LRRC4C: variants seen among roughly 807,000 people sequenced by gnomAD.
LRRC4C encodes the protein leucine-rich repeat-containing protein 4C.
LRRC4C carries 5 observed loss-of-function variants against 33.6 expected under a neutral mutation model. The ratio of observed to expected loss-of-function variants is 0.15; its 90% CI spans 0.08 to 0.31. The LOEUF is 0.31. LRRC4C is among the 10% of genes least tolerant of loss of function. The pLI, the probability that LRRC4C is intolerant of heterozygous loss-of-function variation, is 1.00. For synonymous variants in LRRC4C, 329 were observed against 302.0 expected (o/e 1.09, Z -0.93); for missense variants, 560 against 796.7 (o/e 0.70, Z 3.58).
chr11:41,085,300 C>G lies in LRRC4C; in HGVS notation c.-495-151577G>C, dbSNP rs377079856. Among the ~76,000 whole-genome samples the G allele has an allele frequency of 3.9e-5, 6 of 152,190 alleles. No homozygotes were observed. In the South Asian group the frequency reaches 1.2e-3, roughly 32 times the overall value. On this transcript the variant is annotated intron_variant, in intron 1 of 6. Transcript: ENST00000528697. ...CCACGTCATCTTTACCCTGGGCTCT[C>G]AAGCTAGGCTGCCCAACTGAATTGT...
chr11:40,334,651 CATAA>C (rs1210360594), intron 3 of LRRC4C, among the ~76,000 whole-genome samples: 4 of 152,124 alleles, frequency 2.6e-5, no homozygotes, highest in Non-Finnish European at 5.9e-5. Flanking sequence ...ATCTATAATA[CATAA>C]ATATATACAT....
chr11:40,809,296 G>A (rs567847816), intron 2 of LRRC4C, among the ~76,000 whole-genome samples: 71 of 152,220 alleles, frequency 4.7e-4, no homozygotes, highest in African/African-American at 1.6e-3. Flanking sequence ...CATCTGACAC[G>A]TTCTCTGTCT....
rs148456625 is a variant in LRRC4C at position 41,446,932 on chromosome 11, G to T, written c.-496+12499C>A. 2.2e-3 allele frequency among the ~76,000 whole-genome samples: 331 copies of T among 152,222 alleles called. 2 individuals are homozygous for T. Among genetic ancestry groups the T allele is most frequent in the East Asian group, 0.015 (78 of 5,166 alleles). On this transcript the variant is annotated intron_variant, in intron 1 of 6. Coordinates refer to ENST00000528697, the MANE Select transcript of LRRC4C (RefSeq NM_001258419.2). ...AGTCCTTACAGAGTAAAGAGCAAAG[G>T]AGTTCTGAAATCACAAAACTAAAGC...
At chr11:41,150,300 G>A (rs1367906276) in intron 1 of LRRC4C, among the ~76,000 whole-genome samples, 1 of 152,156 alleles carries the variant, frequency 6.6e-6, no homozygotes, top group African/African-American at 2.4e-5. Flanking sequence ...CCAATAGCAA[G>A]TTTACAGCAG....
At chr11:41,197,730 C>A (rs929811743) in intron 1 of LRRC4C, among the ~76,000 whole-genome samples, 5 of 151,918 alleles carry the variant, frequency 3.3e-5, no homozygotes, top group Non-Finnish European at 7.4e-5. Context: ...TTACTTCTCT[C>A]AAGATTTATT....
chr11:40,565,894 T>C (rs1957739974), intron 3 of LRRC4C, among the ~76,000 whole-genome samples: 1 of 152,040 alleles, frequency 6.6e-6, no homozygotes, highest in African/African-American at 2.4e-5. Flanking sequence ...TCAGAATCTA[T>C]AATTTGTCTA....
intron 2 of LRRC4C, among the ~76,000 whole-genome samples, chr11:40,663,381 A>C (rs560201519): frequency 3.3e-5 from 5 of 152,242 alleles, no homozygotes; most frequent in African/African-American, 1.2e-4. Context: ...GCACCCAGCC[A>C]ATTTATTTAG....
intron 4 of LRRC4C, among the ~76,000 whole-genome samples, chr11:40,265,059 G>T (rs1483793405): frequency 1.3e-5 from 2 of 152,208 alleles, no homozygotes; most frequent in East Asian, 1.9e-4. Context: ...AGGCAACAGA[G>T]ATTTGAATAA....
At chr11:40,969,835 G>T (rs355233) in intron 1 of LRRC4C, among the ~76,000 whole-genome samples, 3,041 of 152,198 alleles carry the variant, frequency 0.02, 118 homozygotes, top group African/African-American at 0.07. Flanking sequence ...ATTGAACCCT[G>T]AATATCTTTG....
At chr11:40,655,058 C>T (rs933236099) in intron 2 of LRRC4C, among the ~76,000 whole-genome samples, 3 of 152,178 alleles carry the variant, frequency 2.0e-5, no homozygotes, top group African/African-American at 7.2e-5. Flanking sequence ...GTCAATTAAA[C>T]CTCTTTTCTT....
chr11:40,305,118 T>C (rs1228802432), intron 4 of LRRC4C, among the ~76,000 whole-genome samples: 5 of 152,236 alleles, frequency 3.3e-5, no homozygotes, highest in Admixed American at 1.3e-4. Context: ...AGTGCTCGAA[T>C]AGGGCCTTGG....
intron 1 of LRRC4C, among the ~76,000 whole-genome samples, chr11:41,382,386 A>C (rs1441571975): frequency 1.3e-5 from 2 of 152,096 alleles, no homozygotes; most frequent in Non-Finnish European, 1.5e-5. Flanking sequence ...AGTGAGAAAA[A>C]TAAATCATTT....
At chr11:40,886,285 A>G (rs936170420) in intron 2 of LRRC4C, among the ~76,000 whole-genome samples, 5 of 151,876 alleles carry the variant, frequency 3.3e-5, no homozygotes, top group African/African-American at 1.2e-4. Flanking sequence ...AACCCAGTTA[A>G]GTAGCTTTGG....
intron 1 of LRRC4C, among the ~76,000 whole-genome samples, chr11:41,210,788 A>G (rs1392038351): frequency 6.6e-6 from 1 of 152,222 alleles, no homozygotes; most frequent in African/African-American, 2.4e-5. Context: ...CATACATTTA[A>G]ATCAGCAGTC....
chr11:41,288,694 C>A (rs1949906148), intron 1 of LRRC4C, among the ~76,000 whole-genome samples: 2 of 152,104 alleles, frequency 1.3e-5, no homozygotes, highest in Admixed American at 1.3e-4. Flanking sequence ...CTGGGCACAA[C>A]TTAGGTGGGT....
chr11:41,071,365 A>T lies in LRRC4C; in HGVS notation c.-495-137642T>A, dbSNP rs547467054. ...AAACCACCATGGCCCATGTATACCT[A>T]TGCTACAAACCTGCACATTCTGCAC... is the stretch of plus-strand genomic sequence containing the variant. On this transcript the variant is annotated intron_variant, in intron 1 of 6. Transcript: ENST00000528697. Among the ~76,000 whole-genome samples the T allele has an allele frequency of 2.5e-4, 38 of 152,268 alleles. No homozygotes were observed. The South Asian group carries it at 4.6e-3, about 18-fold the overall frequency.
At chr11:41,081,376 T>A (rs2135485058) in intron 1 of LRRC4C, among the ~76,000 whole-genome samples, 1 of 152,306 alleles carries the variant, frequency 6.6e-6, no homozygotes, top group Admixed American at 6.5e-5. Flanking sequence ...AGGCACTGAA[T>A]AAAAAGGTCC....
chr11:41,397,468 A>G (rs9943501), intron 1 of LRRC4C, among the ~76,000 whole-genome samples: 12,468 of 151,922 alleles, frequency 0.082, 1,656 homozygotes, highest in African/African-American at 0.28. Context: ...TTACTTTATT[A>G]TAAAGATATA....
At chr11:40,913,128 G>C (rs1011623351) in intron 2 of LRRC4C, among the ~76,000 whole-genome samples, 10 of 152,130 alleles carry the variant, frequency 6.6e-5, no homozygotes, top group African/African-American at 2.4e-4. Flanking sequence ...GTCAACATTA[G>C]ACAGATCAAT....
Sources: allele counts gnomAD v4.1 joint callset (sites outside exome capture counted in the v4.1 genomes callset), GRCh38; gene constraint gnomAD v4.1.1; transcripts MANE v1.5; gene names NCBI Gene and HGNC (gene_info 2026-07-23, HGNC 2026-07-21).